The following ALK variants were observed in gnomAD, a reference collection of about 807,000 sequenced individuals.
ALK encodes the protein ALK receptor tyrosine kinase, also known as ALK tyrosine kinase receptor.
A neutral mutation model predicts 163.1 loss-of-function variants in ALK; 74 were observed. That is an observed-to-expected ratio of 0.45 (90% confidence interval 0.38 to 0.55). The LOEUF is 0.55. Ranked by LOEUF, ALK falls within the 20% of genes least tolerant of loss-of-function variation. ALK has a pLI of 0.00. For missense variants in ALK, 2,063 were observed against 2,105.3 expected, an observed-to-expected ratio of 0.98 and a Z score of 0.39; for synonymous variants, 960 against 843.2, an observed-to-expected ratio of 1.14 and a Z score of -2.40.
At chr2:29,649,240 G>A (rs10200218) in intron 3 of ALK, among the ~76,000 whole-genome samples, 2 of 151,372 alleles carry the variant, frequency 1.3e-5, no homozygotes, top group Non-Finnish European at 2.9e-5. Flanking sequence ...GAGAGAGAGA[G>A]AGAAAGTGCG....
At chr2:29,281,706 GAA>G in intron 9 of ALK, among the ~76,000 whole-genome samples, 1 of 152,304 alleles carries the variant, frequency 6.6e-6, no homozygotes, top group Non-Finnish European at 1.5e-5. Context: ...GACGCCTTTT[GAA>G]AACAGACTCA....
rs780727824 is a variant in ALK at position 29,232,370 on chromosome 2, A to G, written c.2566T>C (p.Phe856Leu). The G allele has an allele frequency of 6.2e-7, 1 of 1,614,234 alleles. No individual in the cohort carries two copies. The change falls in exon 15 of 29, where the codon TTC becomes CTC. Residue 856 changes from phenylalanine to leucine, a missense_variant. Transcript: ENST00000389048. ...TTATTCTCCAGTCTCTCTGGGTGGAACGTGTCTGTCTTGGCCCCGTAGGCC... is the reference window on the plus strand; with the variant it reads ...TTATTCTCCAGTCTCTCTGGGTGGAGCGTGTCTGTCTTGGCCCCGTAGGCC... ...GRAYGAKTDT[F>L]HPERLENNSS... is the part of the protein sequence containing the mutation.
At chr2:29,623,774 A>G (rs959276386) in intron 3 of ALK, among the ~76,000 whole-genome samples, 15 of 152,248 alleles carry the variant, frequency 9.9e-5, no homozygotes, top group African/African-American at 3.4e-4. Context: ...GGAATTTCTT[A>G]GTCTATATTT....
rs922458279 is a variant in ALK at position 29,452,711 on chromosome 2, A to G, written c.1155-68852T>C. 2.0e-5 allele frequency among the ~76,000 whole-genome samples: 3 copies of G among 152,308 alleles called. No individual in the cohort carries two copies. The East Asian group carries it at 5.8e-4, about 29-fold the overall frequency. ...AAACCATCAGTTGCCACCTCTCCAC[A>G]CGTTAACTTCAAGTGTAACCGACGA... On this transcript the variant is annotated intron_variant, in intron 4 of 28. Coordinates refer to ENST00000389048, the MANE Select transcript of ALK (RefSeq NM_004304.5).
At chr2:29,199,660 A>C (rs1669109590) in intron 26 of ALK, among the ~76,000 whole-genome samples, 1 of 152,158 alleles carries the variant, frequency 6.6e-6, no homozygotes, top group South Asian at 2.1e-4. Flanking sequence ...ATTTGTCTTA[A>C]ATCTGAAAAG....
chr2:29,783,757 C>A (rs72788234), intron 1 of ALK, among the ~76,000 whole-genome samples: 4,567 of 152,216 alleles, frequency 0.03, 83 homozygotes, highest in East Asian at 0.079. Context: ...TTTAGGGAGA[C>A]AAAGAACTGT....
chr2:29,548,873 A>T (rs961619022), intron 3 of ALK, among the ~76,000 whole-genome samples: 5 of 152,186 alleles, frequency 3.3e-5, no homozygotes, highest in South Asian at 2.1e-4. Flanking sequence ...GTGGCTACAG[A>T]GGGTTACTCT....
rs1162813553 is a variant in ALK, at chr2:29,869,783, T to G, written c.667+50210A>C. Among the ~76,000 whole-genome samples, 6 of 151,886 alleles carry G rather than the reference T, an allele frequency of 4.0e-5. No individual in the cohort carries two copies. In the East Asian group the frequency reaches 1.2e-3, roughly 29 times the overall value. On this transcript the variant is annotated intron_variant, in intron 1 of 28. Transcript: ENST00000389048. ...AATTATATGCAATATTAAAAGAAAA[T>G]AAACTAAAAACTGTATCTGCCACAA...
Position 29,239,687 on chromosome 2 carries a change from C to T in ALK, c.2348G>A (p.Cys783Tyr), listed in dbSNP as rs748009427. ...ILVGQQGEDA[C>Y]PSTNQLIQKV... is the part of the protein sequence containing the mutation. ...CCTGCTCTGGGCACTTACACTGGGG[C>T]AGGCGTCCTCTCCCTGCTGCCCAAC... is the stretch of plus-strand genomic sequence containing the variant. Residue 783 changes from cysteine (C) to tyrosine (Y), a missense_variant, in exon 13 of 29, where the codon TGC becomes TAC. This residue lies in a region of ALK where 575 missense variants were observed against 626.6 expected (regional missense o/e 0.92). Transcript: ENST00000389048. 1 of 1,613,906 alleles carries T rather than the reference C, an allele frequency of 6.2e-7. No individual in the cohort carries two copies. The highest frequency in any genetic ancestry group is 1.7e-5 in the Admixed American group (1 of 60,026).
At chr2:29,218,598 A>T (rs1471073431) in intron 23 of ALK, among the ~76,000 whole-genome samples, 1 of 152,156 alleles carries the variant, frequency 6.6e-6, no homozygotes, top group Non-Finnish European at 1.5e-5. Flanking sequence ...AGATAGAGAC[A>T]CACCACTCCT....
intron 4 of ALK, among the ~76,000 whole-genome samples, chr2:29,505,733 G>T (rs1672300990): frequency 6.7e-6 from 1 of 149,012 alleles, no homozygotes; most frequent in Non-Finnish European, 1.5e-5. Flanking sequence ...GAATGGCAGA[G>T]AAATCACCAT....
chr2:29,237,020 A>T (rs1325811795), intron 13 of ALK, among the ~76,000 whole-genome samples: 4 of 152,032 alleles, frequency 2.6e-5, no homozygotes, highest in Non-Finnish European at 4.4e-5. Context: ...AGTGTTCCCT[A>T]ACTCAGGTGA....
At position 29,920,390 on chromosome 2, in the gene ALK, C is replaced by A; in HGVS notation, c.270G>T (p.Ser90=). 5 of 1,566,904 alleles carry A rather than the reference C, an allele frequency of 3.2e-6. No individual in the cohort carries two copies. The highest frequency in any genetic ancestry group is 4.3e-6 in the Non-Finnish European group (5 of 1,156,920). Residue 90 remains serine, a synonymous_variant, in exon 1 of 29, where the codon TCG becomes TCT. Coordinates refer to ENST00000389048, the MANE Select transcript of ALK (RefSeq NM_004304.5). ...LKAGRPEARG[S]LALDCAPLLR... ...GCAGCGGGGCGCAGTCCAGAGCTAG[C>A]GAGCCGCGGGCCTCGGGCCTGCCAG...
chr2:29,921,381 G>T lies in ALK; in HGVS notation c.-722C>A, dbSNP rs1667999949. On this transcript the variant is annotated 5_prime_UTR_variant, in exon 1 of 29. Coordinates refer to ENST00000389048, the MANE Select transcript of ALK (RefSeq NM_004304.5). ...AGTTCGCAGGCACTGGAGCGGCCCC[G>T]GCGGCAGCAGCTGAGGGCGTTCAGG... 4.3e-6 allele frequency: 1 copy of T among 232,730 alleles called. No individual in the cohort carries two copies. Among genetic ancestry groups the T allele is most frequent in the African/African-American group, 2.2e-5 (1 of 45,314 alleles). 14.4% of individuals were successfully genotyped at this position (232,730 alleles called of 1,614,324 possible). A position where few individuals can be genotyped will look rare whatever the true frequency, so the allele number is the denominator to read the frequency against.
chr2:29,713,213 C>T (rs1262283010), intron 2 of ALK, among the ~76,000 whole-genome samples: 2 of 152,188 alleles, frequency 1.3e-5, no homozygotes, highest in Admixed American at 6.5e-5. Flanking sequence ...TATAAGGACA[C>T]CAATCATATT....
At chr2:29,202,550 GTA>G (rs972625110) in intron 26 of ALK, among the ~76,000 whole-genome samples, 3 of 152,156 alleles carry the variant, frequency 2.0e-5, no homozygotes, top group Non-Finnish European at 4.4e-5. Context: ...TCCTACAATT[GTA>G]TGTTTCACAT....
intron 4 of ALK, among the ~76,000 whole-genome samples, chr2:29,403,866 C>T (rs1267235592): frequency 9.2e-5 from 14 of 151,818 alleles, no homozygotes; most frequent in Non-Finnish European, 1.6e-4. Flanking sequence ...GAGCAATGAT[C>T]GTGCCACTGC....
At chr2:29,216,044 G>A (rs138569580) in intron 23 of ALK, among the ~76,000 whole-genome samples, 128 of 152,278 alleles carry the variant, frequency 8.4e-4, no homozygotes, top group Non-Finnish European at 1.6e-3. Context: ...CAGAGGCCTC[G>A]TTAGGGGCAG....
intron 9 of ALK, among the ~76,000 whole-genome samples, chr2:29,279,528 G>A (rs1665653544): frequency 6.6e-6 from 1 of 152,184 alleles, no homozygotes; most frequent in South Asian, 2.1e-4. Context: ...TAGGTGATGG[G>A]CAGTCAGCAG....
Sources: allele counts gnomAD v4.1 joint callset (sites outside exome capture counted in the v4.1 genomes callset), GRCh38; gene constraint gnomAD v4.1.1; regional missense constraint gnomAD v4.1.1; transcripts MANE v1.5; gene names NCBI Gene and HGNC (gene_info 2026-07-23, HGNC 2026-07-21).